PITPNC1: variants seen among roughly 807,000 people sequenced by gnomAD.
The protein encoded by PITPNC1 is phosphatidylinositol transfer protein cytoplasmic 1.
Under a neutral mutation model 44.7 loss-of-function variants are expected in PITPNC1, and 18 were observed. That is an observed-to-expected ratio of 0.40 (90% CI 0.28 to 0.60). The LOEUF (loss-of-function observed/expected upper bound fraction) is 0.60, where lower values mean the gene tolerates loss of function less well. PITPNC1 is among the 20% of genes least tolerant of loss of function. The probability of loss-of-function intolerance (pLI) is 0.39; values close to 1 mark genes in which losing one functional copy is unlikely to be tolerated. For missense variants in PITPNC1, 290 were observed against 418.4 expected, an observed-to-expected ratio of 0.69 and a Z score of 2.68; for synonymous variants, 141 against 149.6, an observed-to-expected ratio of 0.94 and a Z score of 0.42.
At chr17:67,492,603 A>G (rs778067793) in intron 1 of PITPNC1, among the ~76,000 whole-genome samples, 20 of 152,210 alleles carry the variant, frequency 1.3e-4, no homozygotes, top group Non-Finnish European at 2.5e-4. Context: ...TAATAAAATC[A>G]TCACACCTAG....
At chr17:67,611,447 A>C (rs2041685848) in intron 5 of PITPNC1, 1 of 152,232 alleles carries the variant, frequency 6.6e-6, no homozygotes, top group African/African-American at 2.4e-5. Flanking sequence ...TCAGATCAAT[A>C]GATGAATGGT....
chr17:67,603,586 C>T (rs1010148884), intron 5 of PITPNC1, among the ~76,000 whole-genome samples: 10 of 152,264 alleles, frequency 6.6e-5, no homozygotes, highest in South Asian at 2.1e-4. Context: ...CCTTGGAGCA[C>T]GTGCTCTCAT....
intron 6 of PITPNC1, among the ~76,000 whole-genome samples, chr17:67,647,470 T>TG (rs1376956249): frequency 1.6e-4 from 15 of 94,590 alleles, no homozygotes; most frequent in East Asian, 7.6e-4. Flanking sequence ...TTGGGTTTTT[T>TG]TTTTTTTTTT....
At chr17:67,430,321 C>A (rs1309029507) in intron 1 of PITPNC1, among the ~76,000 whole-genome samples, 1 of 150,128 alleles carries the variant, frequency 6.7e-6, no homozygotes, top group East Asian at 2.0e-4. Flanking sequence ...GCCTGGCCAA[C>A]GTGGTGAATC....
intron 4 of PITPNC1, among the ~76,000 whole-genome samples, chr17:67,573,640 A>G (rs1161670918): frequency 6.9e-6 from 1 of 145,748 alleles, no homozygotes; most frequent in African/African-American, 2.6e-5. Flanking sequence ...TCAGCTCACT[A>G]CAACCCCCGC....
chr17:67,442,585 G>A (rs1319075341), intron 1 of PITPNC1, among the ~76,000 whole-genome samples: 1 of 151,926 alleles, frequency 6.6e-6, no homozygotes, highest in Non-Finnish European at 1.5e-5. Flanking sequence ...GCTCACGCCT[G>A]TAATCCCAGC....
intron 1 of PITPNC1, among the ~76,000 whole-genome samples, chr17:67,420,769 C>A (rs2038661470): frequency 6.6e-6 from 1 of 152,088 alleles, no homozygotes; most frequent in African/African-American, 2.4e-5. Flanking sequence ...ATTTCCATTG[C>A]ATTTCCTGAC....
chr17:67,454,739 C>T (rs1272243166), intron 1 of PITPNC1, among the ~76,000 whole-genome samples: 3 of 151,880 alleles, frequency 2.0e-5, no homozygotes, highest in African/African-American at 4.8e-5. Context: ...CATCCAGAGA[C>T]GTTTCATGAG....
At chr17:67,581,830 TGAGA>T (rs2041238757) in intron 5 of PITPNC1, among the ~76,000 whole-genome samples, 1 of 152,116 alleles carries the variant, frequency 6.6e-6, no homozygotes, top group Non-Finnish European at 1.5e-5. Flanking sequence ...GTCAGGAGTT[TGAGA>T]CCAGCCTGGC....
chr17:67,537,959 G>A (rs1049425454), intron 2 of PITPNC1, among the ~76,000 whole-genome samples: 6 of 149,602 alleles, frequency 4.0e-5, no homozygotes, highest in Non-Finnish European at 5.9e-5. Flanking sequence ...GCGACTGAGC[G>A]AGACTCCATC....
chr17:67,502,601 A>T (rs889341302), intron 1 of PITPNC1, among the ~76,000 whole-genome samples: 3 of 152,182 alleles, frequency 2.0e-5, no homozygotes, highest in African/African-American at 7.2e-5. Context: ...ATGGGGTAGA[A>T]GGGTTTGTCA....
At position 67,387,737 on chromosome 17, in the gene PITPNC1, C is replaced by T. The variant is rs545507821; in HGVS notation, c.48+9535C>T. ...TTATATCCTCTATTATCTGCCTCTC[C>T]ACGCCTGTTTATTCCTTCAGAGCAT... is the stretch of plus-strand genomic sequence containing the variant. On this transcript the variant is annotated intron_variant, in intron 1 of 8. Coordinates refer to ENST00000581322, the MANE Select transcript of PITPNC1 (RefSeq NM_012417.4). Among the ~76,000 whole-genome samples the T allele has an allele frequency of 2.0e-5, 3 of 152,300 alleles. No individual in the cohort carries two copies. The South Asian group carries it at 6.2e-4, about 32-fold the overall frequency.
At chr17:67,570,274 G>T (rs1392768459) in intron 4 of PITPNC1, among the ~76,000 whole-genome samples, 1 of 152,204 alleles carries the variant, frequency 6.6e-6, no homozygotes, top group Non-Finnish European at 1.5e-5. Context: ...GAAGAGGCCA[G>T]TGGAAGGGGC....
intron 5 of PITPNC1, among the ~76,000 whole-genome samples, chr17:67,630,868 C>T (rs1465648257): frequency 1.3e-5 from 2 of 151,334 alleles, no homozygotes; most frequent in Non-Finnish European, 1.5e-5. Context: ...TGCAGCATCA[C>T]GCCCGGCTAA....
At chr17:67,387,324 C>CTTAG in intron 1 of PITPNC1, among the ~76,000 whole-genome samples, 1 of 152,310 alleles carries the variant, frequency 6.6e-6, no homozygotes. Flanking sequence ...ACATCACACC[C>CTTAG]TTAGCATCGT....
At chr17:67,506,679 A>C (rs1462458419) in intron 1 of PITPNC1, among the ~76,000 whole-genome samples, 1 of 152,182 alleles carries the variant, frequency 6.6e-6, no homozygotes, top group Non-Finnish European at 1.5e-5. Context: ...TAAACAAGAA[A>C]ATTTCTTAAA....
intron 1 of PITPNC1, among the ~76,000 whole-genome samples, chr17:67,417,105 C>T (rs1305242145): frequency 3.3e-5 from 5 of 151,962 alleles, no homozygotes; most frequent in African/African-American, 9.7e-5. Context: ...TGAGCCACCA[C>T]GCCCGGCCAA....
intron 5 of PITPNC1, among the ~76,000 whole-genome samples, chr17:67,585,684 A>G (rs534302604): frequency 4.6e-5 from 7 of 152,294 alleles, no homozygotes; most frequent in African/African-American, 1.4e-4. Flanking sequence ...ACACACCTGT[A>G]GTCCCAGCTA....
chr17:67,593,665 C>T (rs997444342), intron 5 of PITPNC1, among the ~76,000 whole-genome samples: 1 of 152,172 alleles, frequency 6.6e-6, no homozygotes, highest in South Asian at 2.1e-4. Context: ...TTCTAAAGTG[C>T]TGAGATTACA....
Sources: gnomAD v4.1 joint callset for allele counts (sites outside exome capture counted in the v4.1 genomes callset) on GRCh38, gnomAD v4.1.1 for gene constraint, MANE v1.5 for transcripts, NCBI Gene and HGNC (gene_info 2026-07-23, HGNC 2026-07-21) for gene names.